The following SS18 variants were observed in gnomAD, a reference collection of about 807,000 sequenced individuals.
The protein encoded by SS18 is SS18 subunit of BAF chromatin remodeling complex.
Under a neutral mutation model 72.5 loss-of-function variants are expected in SS18, and 28 were observed. That is an observed-to-expected ratio of 0.39 (90% CI 0.29 to 0.53). The LOEUF is 0.53. Among genes scored for constraint, SS18 ranks in the 20% least tolerant of loss-of-function variants. The pLI, the probability that SS18 is intolerant of heterozygous loss-of-function variation, is 0.76. For synonymous variants in SS18, 172 were observed against 164.2 expected (o/e 1.05, Z -0.37); for missense variants, 518 against 535.3 (o/e 0.97, Z 0.32).
chr18:26,077,390 T>C (rs1336519530), intron 3 of SS18, among the ~76,000 whole-genome samples: 1 of 152,076 alleles, frequency 6.6e-6, no homozygotes, highest in African/African-American at 2.4e-5. Context: ...ACCATGAGAA[T>C]ACAATTAGCC....
At chr18:26,069,697 A>G (rs1337193026) in intron 3 of SS18, among the ~76,000 whole-genome samples, 1 of 152,162 alleles carries the variant, frequency 6.6e-6, no homozygotes, top group African/African-American at 2.4e-5. Context: ...ATACAGAAAT[A>G]TTTTCAGACT....
chr18:26,084,333 A>C (rs896950591), intron 2 of SS18, among the ~76,000 whole-genome samples: 25 of 152,328 alleles, frequency 1.6e-4, no homozygotes, highest in Middle Eastern at 3.4e-3. Flanking sequence ...TAAAAGTAAA[A>C]GGAATGATAG....
intron 5 of SS18, among the ~76,000 whole-genome samples, chr18:26,043,456 C>T (rs2053764918): frequency 6.6e-6 from 1 of 152,276 alleles, no homozygotes; most frequent in African/African-American, 2.4e-5. Context: ...TTACTGCTTA[C>T]ATTTTACTAT....
chr18:26,035,837 C>T lies in SS18; in HGVS notation c.967G>A (p.Glu323Lys), dbSNP rs761086778. The T allele has an allele frequency of 4.8e-5, 77 of 1,594,850 alleles. No homozygotes were observed. Among genetic ancestry groups the T allele is most frequent in the Non-Finnish European group, 6.4e-5 (75 of 1,167,932 alleles). ...TGTGAAGGTATATAGATACCTCCTT[C>T]GTAGTAATGTTGTGAGGAATCCTCA... ...PYEDSSQHYY[E>K]GGNSQYGQQQ... The change falls in exon 8 of 11, where the codon GAA (glutamate) becomes AAA (lysine). Residue 323 changes from glutamate (E) to lysine (K), a missense_variant. Coordinates refer to ENST00000415083, the MANE Select transcript of SS18 (RefSeq NM_001007559.3). The surrounding 1 kb of genome is among the most constrained non-coding windows in gnomAD (Gnocchi z 4.4).
At chr18:26,090,365 G>T in intron 1 of SS18, 136 bp downstream of exon 1, 1 of 835,432 alleles carries the variant, frequency 1.2e-6, no homozygotes. Context: ...AGCAGTCCGT[G>T]TTCCCAAACA....
At chr18:26,063,502 G>C (rs1305124971) in intron 3 of SS18, among the ~76,000 whole-genome samples, 1 of 152,104 alleles carries the variant, frequency 6.6e-6, no homozygotes, top group East Asian at 1.9e-4. Flanking sequence ...GGGCGACAGA[G>C]CGAGACTCCA....
At chr18:26,028,690 C>T (rs1386308677) in intron 10 of SS18, among the ~76,000 whole-genome samples, 3 of 152,138 alleles carry the variant, frequency 2.0e-5, no homozygotes, top group East Asian at 1.9e-4. Flanking sequence ...AATTTCTATA[C>T]AATTTTGGAA....
intron 4 of SS18, among the ~76,000 whole-genome samples, 160 bp from the exon 5 acceptor site, chr18:26,053,005 G>A (rs1448410941): frequency 2.0e-5 from 3 of 152,240 alleles, no homozygotes; most frequent in East Asian, 3.9e-4. Context: ...AGCAAATACT[G>A]TGAAGTAGTT....
At chr18:26,071,499 C>A (rs1327525832) in intron 3 of SS18, among the ~76,000 whole-genome samples, 1 of 152,122 alleles carries the variant, frequency 6.6e-6, no homozygotes, top group Non-Finnish European at 1.5e-5. Flanking sequence ...AAGTAAACAA[C>A]AACTAACCTA....
chr18:26,085,084 G>A (rs983010236), intron 2 of SS18, among the ~76,000 whole-genome samples: 2 of 152,144 alleles, frequency 1.3e-5, no homozygotes, highest in African/African-American at 2.4e-5. Context: ...AAAACCAAGT[G>A]GGCTATGTAA....
In SS18 at chr18:26,088,592, C is replaced by A. The variant is rs542670504; in HGVS notation, c.70-1015G>T. Among the ~76,000 whole-genome samples, 11 of 152,262 alleles carry A rather than the reference C, an allele frequency of 7.2e-5. No individual in the cohort carries two copies. The East Asian group carries it at 2.1e-3, about 29-fold the overall frequency. Reference sequence around the variant, plus strand: ...TCTTGGCTTTGAGGGTTAAATAATTCATCTAAGTAAAGTGGAGCTGAAGAA... The same window carrying A: ...TCTTGGCTTTGAGGGTTAAATAATTAATCTAAGTAAAGTGGAGCTGAAGAA... On this transcript the variant is annotated intron_variant, in intron 1 of 10. Coordinates refer to ENST00000415083, the MANE Select transcript of SS18 (RefSeq NM_001007559.3).
intron 5 of SS18, among the ~76,000 whole-genome samples, chr18:26,046,763 T>C (rs2053831188): frequency 6.6e-6 from 1 of 152,238 alleles, no homozygotes; most frequent in Non-Finnish European, 1.5e-5. Context: ...ATAGGTTTAC[T>C]GCTGGGAGCC....
chr18:26,070,125 A>G (rs557765153), intron 3 of SS18, among the ~76,000 whole-genome samples: 1 of 152,338 alleles, frequency 6.6e-6, no homozygotes, highest in African/African-American at 2.4e-5. Flanking sequence ...CCACGTAACA[A>G]AACTGCACTT....
At chr18:26,041,446 C>CAAA (rs2053721714) in intron 5 of SS18, among the ~76,000 whole-genome samples, 3 of 152,196 alleles carry the variant, frequency 2.0e-5, no homozygotes, top group African/African-American at 7.2e-5. Flanking sequence ...CAAAACAAAA[C>CAAA]ACGAAACAAA....
chr18:26,027,440 A>G (rs1281623461), intron 10 of SS18, among the ~76,000 whole-genome samples: 1 of 152,108 alleles, frequency 6.6e-6, no homozygotes, highest in Non-Finnish European at 1.5e-5. Flanking sequence ...CGAGGTCAGG[A>G]GATCAAGACC....
chr18:26,042,101 T>G (rs1246081006), intron 5 of SS18, among the ~76,000 whole-genome samples: 1 of 152,208 alleles, frequency 6.6e-6, no homozygotes, highest in Non-Finnish European at 1.5e-5. Context: ...AGGAAGTATA[T>G]TATTTTCCTT....
At chr18:26,067,017 T>A (rs946499234) in intron 3 of SS18, among the ~76,000 whole-genome samples, 1 of 152,226 alleles carries the variant, frequency 6.6e-6, no homozygotes, top group African/African-American at 2.4e-5. Context: ...ATAAAAAGTT[T>A]TGTTATACAT....
intron 1 of SS18, chr18:26,089,799 C>G (rs2054683443): frequency 6.6e-6 from 1 of 152,270 alleles, no homozygotes; most frequent in Non-Finnish European, 1.5e-5. Context: ...ACTGTAAGCT[C>G]CAGGAAGGCA....
chr18:26,052,609 A>G lies in SS18; in HGVS notation c.607+15T>C, dbSNP rs2053940930. 6.2e-7 allele frequency: 1 copy of G among 1,601,864 alleles called. No individual in the cohort carries two copies. Among genetic ancestry groups the G allele is most frequent in the Admixed American group, 1.7e-5 (1 of 60,018 alleles). The stretch of plus-strand genomic sequence containing the variant: ...ATAGAGCACTCTAGTCAAGAAGGAC[A>G]TAAAGCTTAGTTACCTTGGTTTGGC... On this transcript the variant is annotated intron_variant, in intron 5 of 10. Transcript: ENST00000415083.
Sources: allele counts gnomAD v4.1 joint callset (sites outside exome capture counted in the v4.1 genomes callset), GRCh38; gene constraint gnomAD v4.1.1; non-coding constraint Gnocchi (gnomAD v3.1); transcripts MANE v1.5; gene names NCBI Gene and HGNC (gene_info 2026-07-23, HGNC 2026-07-21).